MYSM1: variants seen among roughly 807,000 people sequenced by gnomAD.
The protein encoded by MYSM1 is deubiquitinase MYSM1.
MYSM1 carries 51 observed loss-of-function variants against 116.0 expected under a neutral mutation model. The ratio of observed to expected loss-of-function variants is 0.44; its 90% CI spans 0.35 to 0.56. The LOEUF (loss-of-function observed/expected upper bound fraction) is 0.56, where lower values mean the gene tolerates loss of function less well. Among genes scored for constraint, MYSM1 ranks in the 20% least tolerant of loss-of-function variants. The pLI is 0.00. For missense variants in MYSM1, 900 were observed against 974.9 expected (o/e 0.92, Z 1.02); for synonymous variants, 313 against 315.2 (o/e 0.99, Z 0.07).
At chr1:58,680,496 C>A (rs952301572) in intron 8 of MYSM1, among the ~76,000 whole-genome samples, 1 of 152,208 alleles carries the variant, frequency 6.6e-6, no homozygotes, top group Non-Finnish European at 1.5e-5. Context: ...ACATGTTGTA[C>A]TTTCAGCACC....
Position 58,667,935 on chromosome 1 carries a change from AAGAC to A in MYSM1, c.1768-18_1768-15del. 6.2e-7 allele frequency: 1 copy of A among 1,600,640 alleles called. No homozygotes were observed. The highest frequency in any genetic ancestry group is 1.1e-5 in the South Asian group (1 of 90,788). The stretch of plus-strand genomic sequence containing the variant: ...AACATGAGCATGCTAAAAGAAATAC[AAGAC>A]AGACTTAGCCCAAACGCACAAACCC... On this transcript the variant is annotated splice_polypyrimidine_tract_variant and intron_variant, in intron 14 of 19. Transcript: ENST00000472487.
intron 3 of MYSM1, among the ~76,000 whole-genome samples, chr1:58,691,217 T>C (rs572059742): frequency 5.9e-5 from 9 of 152,004 alleles, no homozygotes; most frequent in African/African-American, 2.2e-4. Context: ...AAGGCGGAGC[T>C]TGCAGTGAGC....
intron 8 of MYSM1, among the ~76,000 whole-genome samples, chr1:58,677,867 T>C (rs1644677414): frequency 6.6e-6 from 1 of 152,072 alleles, no homozygotes; most frequent in African/African-American, 2.4e-5. Flanking sequence ...GGGGTCAGAG[T>C]AAAGCACTTA....
rs765675619 is a variant in MYSM1 at position 58,673,654 on chromosome 1, C to T, written c.1495-4G>A. 5 of 1,612,794 alleles carry T rather than the reference C, an allele frequency of 3.1e-6. No homozygotes were observed. The highest frequency in any genetic ancestry group is 2.2e-5 in the East Asian group (1 of 44,858). On this transcript the variant is annotated splice_polypyrimidine_tract_variant and splice_region_variant and intron_variant, in intron 10 of 19. Coordinates refer to ENST00000472487, the MANE Select transcript of MYSM1 (RefSeq NM_001085487.3). The stretch of plus-strand genomic sequence containing the variant: ...GGACCCTACGTCTCCTTGTACGCTG[C>T]GATGAGATTAAAGTAAAGCAAAAGG...
chr1:58,676,727 T>C, intron 9 of MYSM1, 199 bp downstream of exon 9: 3 of 370,554 alleles, frequency 8.1e-6, no homozygotes, highest in Non-Finnish European at 9.3e-6. Context: ...AGTTACACTC[T>C]CAATTTTCAG....
intron 1 of MYSM1, chr1:58,699,700 T>C (rs1187502287): frequency 1.0e-6 from 1 of 985,194 alleles, no homozygotes; most frequent in African/African-American, 1.7e-5. Context: ...GAAGAAGGAA[T>C]CTAAATGTAA....
intron 8 of MYSM1, among the ~76,000 whole-genome samples, chr1:58,679,136 C>G (rs1644700581): frequency 6.6e-6 from 1 of 152,136 alleles, no homozygotes; most frequent in South Asian, 2.1e-4. Context: ...ATAAACAAAT[C>G]TGGCAGGCTT....
rs1280133150 is a variant in MYSM1 at position 58,658,626 on chromosome 1, A to T, written c.*1371T>A. On this transcript the variant is annotated 3_prime_UTR_variant, in exon 20 of 20. Transcript: ENST00000472487. ...TACAAACAAAGCAAAATATAGAATC[A>T]ATCTGATTTAGATATAAGGAAACGT... The T allele has an allele frequency of 6.6e-6, 1 of 152,194 alleles. No homozygotes were observed. The highest frequency in any genetic ancestry group is 2.4e-5 in the African/African-American group (1 of 41,460). The allele number at this position is 152,194 out of a possible 1,614,324, so 9.4% of individuals were successfully genotyped here.
intron 12 of MYSM1, among the ~76,000 whole-genome samples, chr1:58,670,157 GACATAT>G (rs1270001261): frequency 6.6e-6 from 1 of 152,140 alleles, no homozygotes; most frequent in Admixed American, 6.5e-5. Flanking sequence ...AACCGTGCCT[GACATAT>G]ACAGTACACA....
In MYSM1 at chr1:58,655,688, CCA is replaced by C. The variant is rs1368249261; in HGVS notation, c.*4307_*4308del. On this transcript the variant is annotated 3_prime_UTR_variant, in exon 20 of 20. Transcript: ENST00000472487. ...TCCTAAAGTATATTACATTATTCTCCCACAGTGATTTTCTGGAAATATTGCAA... is the reference window on the plus strand; with the variant it reads ...TCCTAAAGTATATTACATTATTCTCCCAGTGATTTTCTGGAAATATTGCAA... 8.6e-5 allele frequency: 13 copies of C among 151,948 alleles called. No individual in the cohort carries two copies. The highest frequency in any genetic ancestry group is 2.7e-4 in the African/African-American group (11 of 41,358). The allele number at this position is 151,948 out of a possible 1,614,324, so 9.4% of individuals were successfully genotyped here.
At chr1:58,685,031 G>T in intron 7 of MYSM1, 122 bp downstream of exon 7, 1 of 685,144 alleles carries the variant, frequency 1.5e-6, no homozygotes, top group Non-Finnish European at 2.4e-6. Flanking sequence ...AGTACTATGT[G>T]GGTATAAAAT....
chr1:58,695,078 T>C (rs1302506438), intron 2 of MYSM1, 51 bp downstream of exon 2: 13 of 1,073,668 alleles, frequency 1.2e-5, no homozygotes, highest in Non-Finnish European at 1.7e-5. Flanking sequence ...AGAAGCACTC[T>C]AGGCAATAAA....
intron 8 of MYSM1, among the ~76,000 whole-genome samples, chr1:58,679,822 G>A (rs1644710923): frequency 6.6e-6 from 1 of 151,986 alleles, no homozygotes. Context: ...GAGGTCAGGA[G>A]TTCTAGACCA....
intron 3 of MYSM1, among the ~76,000 whole-genome samples, chr1:58,690,680 ATT>A (rs35937590): frequency 4.6e-3 from 629 of 137,768 alleles, no homozygotes; most frequent in Admixed American, 6.4e-3. Flanking sequence ...TTATTTTGTG[ATT>A]TTTTTTTTTT....
intron 1 of MYSM1, among the ~76,000 whole-genome samples, chr1:58,697,731 A>G (rs1464786164): frequency 6.6e-6 from 1 of 151,528 alleles, no homozygotes; most frequent in Non-Finnish European, 1.5e-5. Context: ...CTGCAATTAC[A>G]GGCAGGTGCC....
At chr1:58,690,101 CTG>C in intron 5 of MYSM1, 123 bp downstream of exon 5, 1 of 729,658 alleles carries the variant, frequency 1.4e-6, no homozygotes, top group Non-Finnish European at 2.2e-6. Flanking sequence ...ATTAAAAAAA[CTG>C]TTTTTATATC....
intron 2 of MYSM1, among the ~76,000 whole-genome samples, chr1:58,693,823 T>C (rs1369970493): frequency 6.6e-6 from 1 of 152,210 alleles, no homozygotes; most frequent in Non-Finnish European, 1.5e-5. Context: ...TAATCTCTAT[T>C]AAATCTATAT....
chr1:58,655,325 T>C lies in MYSM1; in HGVS notation c.*4672A>G, dbSNP rs112083180. ...AAAAATAGCAAATCAGGCATTTTTT[T>C]CCCCTGAAATTAAAGTTCTTATGAA... On this transcript the variant is annotated 3_prime_UTR_variant, in exon 20 of 20. Coordinates refer to ENST00000472487, the MANE Select transcript of MYSM1 (RefSeq NM_001085487.3). The C allele has an allele frequency of 7.1e-6, 1 of 140,816 alleles. No homozygotes were observed. The highest frequency in any genetic ancestry group is 1.6e-5 in the Non-Finnish European group (1 of 64,016). 8.7% of individuals were successfully genotyped at this position (140,816 alleles called of 1,614,324 possible).
At chr1:58,668,759 C>T (rs1225382952) in intron 13 of MYSM1, 77 bp from the exon 14 acceptor site, 3 of 1,307,676 alleles carry the variant, frequency 2.3e-6, no homozygotes, top group South Asian at 1.3e-5. Context: ...GAATGCCCAC[C>T]CTGTTCTCCT....
Sources: allele counts gnomAD v4.1 joint callset (sites outside exome capture counted in the v4.1 genomes callset), GRCh38; gene constraint gnomAD v4.1.1; transcripts MANE v1.5; gene names NCBI Gene and HGNC (gene_info 2026-07-23, HGNC 2026-07-21).